NRG3: variants seen among roughly 807,000 people sequenced by gnomAD.
NRG3 encodes neuregulin 3.
A neutral mutation model predicts 66.9 loss-of-function variants in NRG3; 31 were observed. The ratio of observed to expected loss-of-function variants is 0.46; its 90% CI spans 0.35 to 0.63. NRG3 has a LOEUF of 0.63. Ranked by LOEUF, NRG3 falls within the 20% of genes least tolerant of loss-of-function variation. The probability of loss-of-function intolerance (pLI) is 0.00; values close to 1 mark genes in which losing one functional copy is unlikely to be tolerated. For missense variants in NRG3, 910 were observed against 878.9 expected, an observed-to-expected ratio of 1.04 and a Z score of -0.45; for synonymous variants, 393 against 359.4, an observed-to-expected ratio of 1.09 and a Z score of -1.06.
At chr10:82,911,542 T>C (rs199769372) in intron 4 of NRG3, among the ~76,000 whole-genome samples, 1 of 151,858 alleles carries the variant, frequency 6.6e-6, no homozygotes, top group East Asian at 1.9e-4. Flanking sequence ...CACTTGTTCA[T>C]AATATTTATT....
In NRG3 at chr10:82,340,912, A is replaced by G. The variant is rs1467634125; in HGVS notation, c.824-17827A>G. 3.9e-5 allele frequency: 6 copies of G among 152,184 alleles called. No individual in the cohort carries two copies. The East Asian group carries it at 1.2e-3, about 29-fold the overall frequency. 9.4% of individuals were successfully genotyped at this position (152,184 alleles called of 1,614,324 possible). ...GGTACAAAAAAAAATTAGAAAATGTAAGACCTATTTTTTGATAGCACAACA... is the reference window on the plus strand; with the variant it reads ...GGTACAAAAAAAAATTAGAAAATGTGAGACCTATTTTTTGATAGCACAACA... On this transcript the variant is annotated intron_variant, in intron 1 of 8. Transcript: ENST00000372141.
intron 2 of NRG3, among the ~76,000 whole-genome samples, chr10:82,446,588 G>A (rs1047421682): frequency 1.2e-4 from 19 of 152,094 alleles, no homozygotes; most frequent in Non-Finnish European, 2.4e-4. Flanking sequence ...TGAACGATGC[G>A]AACACATGGA....
chr10:82,878,100 T>A (rs897154787), intron 4 of NRG3, among the ~76,000 whole-genome samples: 2 of 152,068 alleles, frequency 1.3e-5, no homozygotes, highest in Admixed American at 6.5e-5. Context: ...GAATAAAAAA[T>A]TATATTTCTA....
At chr10:82,781,852 T>G (rs531482902) in intron 3 of NRG3, among the ~76,000 whole-genome samples, 1 of 152,190 alleles carries the variant, frequency 6.6e-6, no homozygotes, top group East Asian at 1.9e-4. Flanking sequence ...TCAGTTCCTG[T>G]TATTTAAAGA....
At chr10:82,787,460 G>T (rs1249975568) in intron 3 of NRG3, among the ~76,000 whole-genome samples, 2 of 152,196 alleles carry the variant, frequency 1.3e-5, no homozygotes, top group Non-Finnish European at 2.9e-5. Context: ...AGCCTTTGTA[G>T]TAGGTGAACC....
chr10:82,144,347 CT>C (rs1182770045), intron 1 of NRG3, among the ~76,000 whole-genome samples: 1 of 152,130 alleles, frequency 6.6e-6, no homozygotes, highest in African/African-American at 2.4e-5. Context: ...GAATTGGTCC[CT>C]TGGGACAGGA....
chr10:81,887,121 A>G (rs1347681028), intron 1 of NRG3, among the ~76,000 whole-genome samples: 1 of 152,142 alleles, frequency 6.6e-6, no homozygotes, highest in Non-Finnish European at 1.5e-5. Flanking sequence ...CTTTATGTCT[A>G]AAGAGTTTGT....
In NRG3 at chr10:82,851,992, T is replaced by C. The variant is rs116595646; in HGVS notation, c.1028-13419T>C. Among the ~76,000 whole-genome samples the C allele has an allele frequency of 1.7e-3, 264 of 151,614 alleles. 1 individual carries two copies. Among genetic ancestry groups the C allele is most frequent in the African/African-American group, 6.0e-3 (249 of 41,328 alleles). On this transcript the variant is annotated intron_variant, in intron 3 of 8. Coordinates refer to ENST00000372141, the MANE Select transcript of NRG3 (RefSeq NM_001010848.4). ...GTAGGGAAAGATATGCATTCCAACA[T>C]TGGTTTTACTTGAAGTGAGTTGATA...
At chr10:82,739,965 T>G (rs1449462948) in intron 3 of NRG3, among the ~76,000 whole-genome samples, 1 of 150,974 alleles carries the variant, frequency 6.6e-6, no homozygotes, top group Non-Finnish European at 1.5e-5. Flanking sequence ...GAAACTTGCA[T>G]AAAATAATGG....
chr10:82,342,465 C>T (rs538341939), intron 1 of NRG3, among the ~76,000 whole-genome samples: 1 of 152,144 alleles, frequency 6.6e-6, no homozygotes, highest in East Asian at 1.9e-4. Context: ...ACCATTCTGG[C>T]TGGTGTAAGA....
chr10:82,636,440 G>A (rs949737786), intron 2 of NRG3, among the ~76,000 whole-genome samples: 2 of 152,128 alleles, frequency 1.3e-5, no homozygotes, highest in Non-Finnish European at 2.9e-5. Flanking sequence ...AGCCTGGAAT[G>A]TCTTTTTGTA....
At chr10:82,908,883 A>G (rs1455690922) in intron 4 of NRG3, among the ~76,000 whole-genome samples, 1 of 147,340 alleles carries the variant, frequency 6.8e-6, no homozygotes, top group Admixed American at 6.8e-5. Context: ...GAGGAAGCCA[A>G]TGGAGGTAGT....
chr10:82,644,241 C>T (rs1285471510), intron 2 of NRG3, among the ~76,000 whole-genome samples: 4 of 152,098 alleles, frequency 2.6e-5, no homozygotes, highest in Non-Finnish European at 5.9e-5. Flanking sequence ...ATCCCTGATT[C>T]TTTCCAGCAG....
chr10:82,499,135 G>T (rs553556663), intron 2 of NRG3, among the ~76,000 whole-genome samples: 3 of 152,176 alleles, frequency 2.0e-5, no homozygotes, highest in Non-Finnish European at 2.9e-5. Flanking sequence ...CAAGTGAGGA[G>T]TACTGAATTC....
Position 82,985,521 on chromosome 10 carries a change from C to G in NRG3, c.2007C>G (p.Pro669=), listed in dbSNP as rs117760740. The G allele has an allele frequency of 2.5e-4, 396 of 1,614,010 alleles. 6 individuals carry two copies. The East Asian group carries it at 8.5e-3, about 35-fold the overall frequency. The change falls in exon 9 of 9, where the codon CCC becomes CCG. Residue 669 remains proline, a synonymous_variant. Transcript: ENST00000372141. The part of the protein sequence containing the change: ...DSASENTAFL[P]LSPTAKSERE... ...CAAGCGAAAACACAGCCTTTCTCCC[C>G]CTGAGTCCCACAGCCAAATCAGAAC...
At chr10:82,193,053 C>T (rs889433122) in intron 1 of NRG3, among the ~76,000 whole-genome samples, 5 of 151,792 alleles carry the variant, frequency 3.3e-5, no homozygotes, top group Admixed American at 1.3e-4. Flanking sequence ...TAGAGGGTTT[C>T]CACATTATAA....
chr10:81,910,877 T>G (rs535649541), intron 1 of NRG3, among the ~76,000 whole-genome samples: 1 of 152,272 alleles, frequency 6.6e-6, no homozygotes, highest in East Asian at 1.9e-4. Flanking sequence ...AGGCAGATCT[T>G]GAACTCCTAG....
intron 2 of NRG3, among the ~76,000 whole-genome samples, chr10:82,406,229 T>C (rs2087509977): frequency 6.6e-6 from 1 of 152,206 alleles, no homozygotes; most frequent in South Asian, 2.1e-4. Context: ...CTTGGGATAA[T>C]TGCAGCTGAG....
At chr10:82,835,951 G>C (rs192525707) in intron 3 of NRG3, among the ~76,000 whole-genome samples, 1 of 152,140 alleles carries the variant, frequency 6.6e-6, no homozygotes, top group Non-Finnish European at 1.5e-5. Flanking sequence ...AGAAAGGACT[G>C]TTTAGAGCGA....
Sources: gnomAD v4.1 joint callset for allele counts (sites outside exome capture counted in the v4.1 genomes callset) on GRCh38, gnomAD v4.1.1 for gene constraint, MANE v1.5 for transcripts, NCBI Gene and HGNC (gene_info 2026-07-23, HGNC 2026-07-21) for gene names.